The following TRHDE variants were observed in gnomAD, a reference collection of about 807,000 sequenced individuals.
TRHDE encodes the protein thyrotropin releasing hormone degrading enzyme.
Under a neutral mutation model 125.7 loss-of-function variants are expected in TRHDE, and 72 were observed. The observed-to-expected ratio is 0.57, with a 90% CI of 0.47 to 0.70. TRHDE has a LOEUF of 0.70. TRHDE is among the 30% of genes least tolerant of loss of function. The probability of loss-of-function intolerance (pLI) is 0.00; values close to 1 mark genes in which losing one functional copy is unlikely to be tolerated. For synonymous variants in TRHDE, 509 were observed against 509.1 expected, an observed-to-expected ratio of 1.00 and a Z score of 0.00; for missense variants, 1,110 against 1,327.1, an observed-to-expected ratio of 0.84 and a Z score of 2.54.
intron 15 of TRHDE, among the ~76,000 whole-genome samples, chr12:72,645,032 C>T (rs986220698): frequency 9.2e-5 from 14 of 152,046 alleles, no homozygotes; most frequent in African/African-American, 2.2e-4. Flanking sequence ...CTGTACAAGG[C>T]CAGTTTGTGA....
At chr12:72,652,237 G>A in intron 15 of TRHDE, 85 bp from the exon 16 acceptor site, 2 of 968,554 alleles carry the variant, frequency 2.1e-6, no homozygotes, top group Non-Finnish European at 2.8e-6. Flanking sequence ...AAAACTGACT[G>A]TAGTAAATAA....
At chr12:72,090,431 T>C (rs1224244049) in intron 1 of TRHDE, among the ~76,000 whole-genome samples, 1 of 152,216 alleles carries the variant, frequency 6.6e-6, no homozygotes, top group East Asian at 1.9e-4. Flanking sequence ...GCAGGGTTGA[T>C]TTAGGAGTGG....
At chr12:72,562,127 A>G in intron 7 of TRHDE, 38 bp from the exon 8 acceptor site, 1 of 1,014,060 alleles carries the variant, frequency 9.9e-7, no homozygotes. Flanking sequence ...GTTACTGTTT[A>G]ACCTTTGAAT....
At chr12:72,577,811 T>C (rs1871065794) in intron 12 of TRHDE, among the ~76,000 whole-genome samples, 1 of 152,232 alleles carries the variant, frequency 6.6e-6, no homozygotes, top group Admixed American at 6.5e-5. Flanking sequence ...ATTACAATTT[T>C]GGGAGCCTTA....
chr12:72,572,367 A>G (rs1432219977), intron 10 of TRHDE, among the ~76,000 whole-genome samples: 1 of 152,148 alleles, frequency 6.6e-6, no homozygotes, highest in Non-Finnish European at 1.5e-5. Context: ...GCCATTTTGG[A>G]TACATTCTAA....
intron 6 of TRHDE, among the ~76,000 whole-genome samples, chr12:72,533,421 C>G (rs1182586068): frequency 6.6e-6 from 1 of 152,152 alleles, no homozygotes; most frequent in African/African-American, 2.4e-5. Flanking sequence ...GATCTGCCCA[C>G]CCTGGACTCC....
At chr12:72,616,125 A>T (rs959253374) in intron 12 of TRHDE, among the ~76,000 whole-genome samples, 1 of 152,070 alleles carries the variant, frequency 6.6e-6, no homozygotes, top group African/African-American at 2.4e-5. Context: ...AACTTGCTCC[A>T]TTTCTCTGTT....
At chr12:72,541,975 T>C (rs1258243669) in intron 6 of TRHDE, among the ~76,000 whole-genome samples, 2 of 151,422 alleles carry the variant, frequency 1.3e-5, no homozygotes, top group African/African-American at 4.8e-5. Context: ...GAATCATGTT[T>C]TATTAAATTT....
At chr12:72,660,512 C>T (rs577114320) in intron 18 of TRHDE, among the ~76,000 whole-genome samples, 47 of 152,266 alleles carry the variant, frequency 3.1e-4, no homozygotes, top group African/African-American at 8.2e-4. Flanking sequence ...GGCCCTTATG[C>T]GGGCATGACA....
intron 2 of TRHDE, among the ~76,000 whole-genome samples, chr12:72,119,625 T>C (rs963322636): frequency 4.6e-5 from 7 of 152,228 alleles, no homozygotes; most frequent in Non-Finnish European, 1.0e-4. Context: ...GTACAGAAAG[T>C]GAAGTGTTGA....
intron 12 of TRHDE, among the ~76,000 whole-genome samples, chr12:72,588,392 C>A (rs1448293200): frequency 6.6e-6 from 1 of 152,072 alleles, no homozygotes; most frequent in African/African-American, 2.4e-5. Context: ...CCTGAGGGAG[C>A]ATGTGCTTGG....
chr12:72,093,775 AG>A (rs1156845776), intron 1 of TRHDE, among the ~76,000 whole-genome samples: 1 of 152,024 alleles, frequency 6.6e-6, no homozygotes, highest in Non-Finnish European at 1.5e-5. Context: ...CGTCTTGTTG[AG>A]CTTCTTTAAG....
chr12:72,103,384 A>G (rs1328604047), intron 1 of TRHDE, among the ~76,000 whole-genome samples: 1 of 152,160 alleles, frequency 6.6e-6, no homozygotes, highest in African/African-American at 2.4e-5. Context: ...CTATTAGGAG[A>G]CAGAGTTAAT....
chr12:72,544,867 T>C (rs1869337065), intron 7 of TRHDE, among the ~76,000 whole-genome samples: 1 of 151,496 alleles, frequency 6.6e-6, no homozygotes, highest in African/African-American at 2.4e-5. Flanking sequence ...TCGGTGTAGA[T>C]TCAACTACAT....
chr12:72,570,323 G>GTAATCCCA (rs1179822345), intron 10 of TRHDE, among the ~76,000 whole-genome samples: 3 of 152,100 alleles, frequency 2.0e-5, no homozygotes, highest in Non-Finnish European at 4.4e-5. Flanking sequence ...GCTCATGCCT[G>GTAATCCCA]TAATCCCAGC....
chr12:72,149,629 T>A (rs570319392), intron 2 of TRHDE, among the ~76,000 whole-genome samples: 1 of 152,044 alleles, frequency 6.6e-6, no homozygotes, highest in Admixed American at 6.6e-5. Flanking sequence ...AAATTAATAA[T>A]ACATGTTTAT....
chr12:72,364,388 A>C (rs1428459852), intron 2 of TRHDE, among the ~76,000 whole-genome samples: 1 of 151,984 alleles, frequency 6.6e-6, no homozygotes, highest in Non-Finnish European at 1.5e-5. Context: ...TTGGCATTGG[A>C]CATTTCTTAA....
intron 2 of TRHDE, among the ~76,000 whole-genome samples, chr12:72,160,543 G>T (rs894113851): frequency 3.3e-5 from 5 of 152,080 alleles, no homozygotes; most frequent in African/African-American, 1.2e-4. Context: ...AAAAAAATTA[G>T]CTGGGCTTGG....
At chr12:72,209,804 C>T (rs1381812798) in intron 2 of TRHDE, among the ~76,000 whole-genome samples, 1 of 152,174 alleles carries the variant, frequency 6.6e-6, no homozygotes, top group African/African-American at 2.4e-5. Flanking sequence ...TTATGGCTTA[C>T]AAGAACAGTA....
Sources: gnomAD v4.1 joint callset for allele counts (sites outside exome capture counted in the v4.1 genomes callset) on GRCh38, gnomAD v4.1.1 for gene constraint, MANE v1.5 for transcripts, NCBI Gene and HGNC (gene_info 2026-07-23, HGNC 2026-07-21) for gene names.